Variants in CTDNEP1 observed in about 807,000 individuals in gnomAD.
CTDNEP1 encodes the protein C-terminal domain nuclear envelope phosphatase 1.
CTDNEP1 carries 3 observed loss-of-function variants against 30.1 expected under a neutral mutation model. The ratio of observed to expected loss-of-function variants is 0.10; its 90% confidence interval spans 0.05 to 0.26. The LOEUF is 0.26. Among genes scored for constraint, CTDNEP1 ranks in the 10% least tolerant of loss-of-function variants. The probability of loss-of-function intolerance (pLI) is 1.00; values close to 1 mark genes in which losing one functional copy is unlikely to be tolerated. For synonymous variants in CTDNEP1, 123 were observed against 118.8 expected (o/e 1.04, Z -0.23); for missense variants, 158 against 310.4 (o/e 0.51, Z 3.69).
intron 1 of CTDNEP1, among the ~76,000 whole-genome samples, chr17:7,250,443 G>C (rs116643498): frequency 6.6e-6 from 1 of 152,102 alleles, no homozygotes; most frequent in African/African-American, 2.4e-5. Flanking sequence ...CAGAATGCTA[G>C]GCTCTCCTGG....
chr17:7,249,322 T>G (rs1042544307), intron 1 of CTDNEP1, among the ~76,000 whole-genome samples: 18 of 152,088 alleles, frequency 1.2e-4, no homozygotes, highest in Admixed American at 1.2e-3. Flanking sequence ...CTAATCAAGA[T>G]CTGCCCTTCT....
chr17:7,245,643 C>T (rs891573341), intron 6 of CTDNEP1, among the ~76,000 whole-genome samples: 1 of 151,030 alleles, frequency 6.6e-6, no homozygotes, highest in Non-Finnish European at 1.5e-5. Flanking sequence ...GGATTACAGG[C>T]GTGCGCCACC....
chr17:7,244,942 G>A, intron 6 of CTDNEP1: 1 of 270,796 alleles, frequency 3.7e-6, no homozygotes, highest in South Asian at 4.2e-5. Flanking sequence ...AGGATCACTT[G>A]AGCTCAGGAG....
At chr17:7,248,338 C>G (rs1370520703) in intron 1 of CTDNEP1, among the ~76,000 whole-genome samples, 2 of 147,436 alleles carry the variant, frequency 1.4e-5, no homozygotes, top group African/African-American at 5.0e-5. Flanking sequence ...CAGTTCAACC[C>G]AAGAACGTGC....
At chr17:7,244,709 A>G in intron 6 of CTDNEP1, 74 bp from the exon 7 acceptor site, 1 of 1,165,454 alleles carries the variant, frequency 8.6e-7, no homozygotes, top group Non-Finnish European at 1.2e-6. Context: ...CTTGGAGGGA[A>G]GGAGGAATTA....
chr17:7,243,992 G>C lies in CTDNEP1; in HGVS notation c.*193C>G. The C allele has an allele frequency of 2.9e-6, 4 of 1,400,826 alleles. No individual in the cohort carries two copies. The South Asian group carries it at 6.1e-5, about 21-fold the overall frequency. 86.8% of individuals were successfully genotyped at this position (1,400,826 alleles called of 1,614,324 possible). A position where few individuals can be genotyped will look rare whatever the true frequency, so the allele number is the denominator to read the frequency against. ...AGTGTGAACACGAAGTTAAGAGTGAGGCTGCTTCAGAGCCCCTGGCCCATG... is the reference window on the plus strand; with the variant it reads ...AGTGTGAACACGAAGTTAAGAGTGACGCTGCTTCAGAGCCCCTGGCCCATG... On this transcript the variant is annotated 3_prime_UTR_variant, in exon 8 of 8. Coordinates refer to ENST00000574322, the MANE Select transcript of CTDNEP1 (RefSeq NM_001143775.2).
intron 1 of CTDNEP1, among the ~76,000 whole-genome samples, chr17:7,249,588 G>A (rs1268482765): frequency 6.6e-6 from 1 of 152,148 alleles, no homozygotes; most frequent in African/African-American, 2.4e-5. Flanking sequence ...GTGTTGGAGC[G>A]AGAACGTCAG....
At chr17:7,245,579 A>C (rs1302638591) in intron 6 of CTDNEP1, among the ~76,000 whole-genome samples, 2 of 150,656 alleles carry the variant, frequency 1.3e-5, no homozygotes, top group African/African-American at 4.9e-5. Context: ...GCTCACTGCA[A>C]CCTCCGCCTC....
At chr17:7,248,362 CTTTTTTTTTT>C (rs796375773) in intron 1 of CTDNEP1, among the ~76,000 whole-genome samples, 7 of 94,372 alleles carry the variant, frequency 7.4e-5, no homozygotes, top group Non-Finnish European at 1.3e-4. Flanking sequence ...CTTTTTTTTT[CTTTTTTTTTT>C]TTTTGAGAAG....
At chr17:7,247,011 G>C in intron 3 of CTDNEP1, 53 bp downstream of exon 3, 2 of 1,474,584 alleles carry the variant, frequency 1.4e-6, no homozygotes, top group Non-Finnish European at 1.9e-6. Context: ...GGGAGTCCAG[G>C]TTTGGGCAGA....
Position 7,247,191 on chromosome 17 carries a change from G to C in CTDNEP1, c.170-9C>G, listed in dbSNP as rs777280022. On this transcript the variant is annotated splice_polypyrimidine_tract_variant and intron_variant, in intron 2 of 7. Coordinates refer to ENST00000574322, the MANE Select transcript of CTDNEP1 (RefSeq NM_001143775.2). ...CTTCCTCTTCACCTGGGCTGAACCAGAGTGGGGAGGAATAATATTGACCGA... is the reference window on the plus strand; with the variant it reads ...CTTCCTCTTCACCTGGGCTGAACCACAGTGGGGAGGAATAATATTGACCGA... 2 of 1,611,532 alleles carry C rather than the reference G, an allele frequency of 1.2e-6. No individual in the cohort carries two copies. The highest frequency in any genetic ancestry group is 8.5e-7 in the Non-Finnish European group (1 of 1,177,648).
Position 7,246,997 on chromosome 17 carries a change from G to T in CTDNEP1, c.288+67C>A. On this transcript the variant is annotated intron_variant, in intron 3 of 7. Transcript: ENST00000574322. The surrounding 1 kb of genome is among the most constrained non-coding windows in gnomAD (Gnocchi z 4.9). ...ATGGAGACAGATGCTCTGGGACTGGGAAAGGGAGTCCAGGTTTGGGCAGAG... is the reference window on the plus strand; with the variant it reads ...ATGGAGACAGATGCTCTGGGACTGGTAAAGGGAGTCCAGGTTTGGGCAGAG... 1 of 1,432,500 alleles carries T rather than the reference G, an allele frequency of 7.0e-7. No homozygotes were observed. The highest frequency in any genetic ancestry group is 9.8e-7 in the Non-Finnish European group (1 of 1,019,284). 88.7% of individuals were successfully genotyped at this position (1,432,500 alleles called of 1,614,324 possible). A position where few individuals can be genotyped will look rare whatever the true frequency, so the allele number is the denominator to read the frequency against.
intron 6 of CTDNEP1, 79 bp from the exon 7 acceptor site, chr17:7,244,714 G>A (rs1597572623): frequency 9.0e-7 from 1 of 1,116,458 alleles, no homozygotes; most frequent in East Asian, 2.5e-5. Context: ...AGGGAAGGAG[G>A]AATTATTGTT....
intron 1 of CTDNEP1, among the ~76,000 whole-genome samples, chr17:7,247,940 G>A (rs111227294): frequency 2.0e-5 from 3 of 151,992 alleles, no homozygotes; most frequent in African/African-American, 7.2e-5. Context: ...CCAGTGCCTA[G>A]AACACAGTAG....
In CTDNEP1 at chr17:7,243,801, A is replaced by G; in HGVS notation, c.*384T>C. 1 of 361,720 alleles carries G rather than the reference A, an allele frequency of 2.8e-6. No homozygotes were observed. The highest frequency in any genetic ancestry group is 4.2e-6 in the Non-Finnish European group (1 of 239,238). 22.4% of individuals were successfully genotyped at this position (361,720 alleles called of 1,614,324 possible). A position where few individuals can be genotyped will look rare whatever the true frequency, so the allele number is the denominator to read the frequency against. On this transcript the variant is annotated 3_prime_UTR_variant, in exon 8 of 8. Transcript: ENST00000574322. Reference sequence around the variant, plus strand: ...GAGTGAAGAATTAGATCAGTTTTGTACAAGAGTTTTTTAAAAAAAATCAAA... The same window carrying G: ...GAGTGAAGAATTAGATCAGTTTTGTGCAAGAGTTTTTTAAAAAAAATCAAA...
In CTDNEP1 at chr17:7,246,467, G is replaced by A. The variant is rs2071839206; in HGVS notation, c.361-97C>T. ...GAAAGGCAATGGCATAGTCCTTCAGGCCTTCCATCAACATCAAATGTCTCT... is the reference window on the plus strand; with the variant it reads ...GAAAGGCAATGGCATAGTCCTTCAGACCTTCCATCAACATCAAATGTCTCT... On this transcript the variant is annotated intron_variant, in intron 4 of 7. Coordinates refer to ENST00000574322, the MANE Select transcript of CTDNEP1 (RefSeq NM_001143775.2). This position sits in a 1 kb window ranked among gnomAD's most constrained non-coding sequence, Gnocchi z 4.9. 1 of 890,644 alleles carries A rather than the reference G, an allele frequency of 1.1e-6. No individual in the cohort carries two copies. The allele number at this position is 890,644 out of a possible 1,614,324, so 55.2% of individuals were successfully genotyped here. A position where few individuals can be genotyped will look rare whatever the true frequency, so the allele number is the denominator to read the frequency against.
At position 7,251,114 on chromosome 17, in the gene CTDNEP1, C is replaced by T. The variant is rs185174454; in HGVS notation, c.102+81G>A. On this transcript the variant is annotated intron_variant, in intron 1 of 7. Coordinates refer to ENST00000574322, the MANE Select transcript of CTDNEP1 (RefSeq NM_001143775.2). ...AGGCCCAAACAGAGGCCCGACACTC[C>T]GAAAACCCCTGAGCACCACGGACAG... 62 of 1,005,692 alleles carry T rather than the reference C, an allele frequency of 6.2e-5. No homozygotes were observed. The East Asian group carries it at 8.8e-4, about 14-fold the overall frequency. 62.3% of individuals were successfully genotyped at this position (1,005,692 alleles called of 1,614,324 possible).
chr17:7,244,203 G>C lies in CTDNEP1; in HGVS notation c.717C>G (p.His239Gln). The C allele has an allele frequency of 1.2e-6, 2 of 1,614,094 alleles. No individual in the cohort carries two copies. The highest frequency in any genetic ancestry group is 2.2e-5 in the East Asian group (1 of 44,886). ...GCAGCTGTCACCAGAGCCGATGTTG[G>C]TGAAGGTTTCGGCTCAGCACGGAAC... ...DVRSVLSRNL[H>Q]QHRLW is the part of the protein sequence containing the mutation. The change falls in exon 8 of 8, where the codon CAC (histidine) becomes CAG (glutamine). Residue 239 changes from histidine (H) to glutamine (Q), a missense_variant. By Grantham distance (24) the His-to-Gln change is conservative. Coordinates refer to ENST00000574322, the MANE Select transcript of CTDNEP1 (RefSeq NM_001143775.2).
chr17:7,246,762 A>G lies in CTDNEP1; in HGVS notation c.360+29T>C, dbSNP rs754998150. 5.1e-6 allele frequency: 8 copies of G among 1,579,530 alleles called. No individual in the cohort carries two copies. In the East Asian group the frequency reaches 1.6e-4, roughly 31 times the overall value. On this transcript the variant is annotated intron_variant, in intron 4 of 7. Transcript: ENST00000574322. The surrounding 1 kb of genome is among the most constrained non-coding windows in gnomAD (Gnocchi z 4.9). ...AGCCCTAAAACCATTCCTTCATTAC[A>G]GAGCTCCCTTTAGCTCTCCAAAACT...
Sources: allele counts gnomAD v4.1 joint callset (sites outside exome capture counted in the v4.1 genomes callset), GRCh38; gene constraint gnomAD v4.1.1; non-coding constraint Gnocchi (gnomAD v3.1); transcripts MANE v1.5; gene names NCBI Gene and HGNC (gene_info 2026-07-23, HGNC 2026-07-21).